BST1: variants seen among roughly 807,000 people sequenced by gnomAD.
The protein encoded by BST1 is bone marrow stromal cell antigen 1.
A neutral mutation model predicts 40.6 loss-of-function variants in BST1; 49 were observed. The ratio of observed to expected loss-of-function variants is 1.21; its 90% CI spans 0.96 to 1.53. The LOEUF (loss-of-function observed/expected upper bound fraction) is 1.53, where lower values mean the gene tolerates loss of function less well. BST1 is among the 40% of genes most tolerant of loss of function. The probability of loss-of-function intolerance (pLI) is 0.00; values close to 1 mark genes in which losing one functional copy is unlikely to be tolerated. For synonymous variants in BST1, 157 were observed against 159.3 expected, an observed-to-expected ratio of 0.99 and a Z score of 0.11; for missense variants, 423 against 395.9, an observed-to-expected ratio of 1.07 and a Z score of -0.58.
chr4:15,729,630 T>G (rs1419856098), intron 8 of BST1, among the ~76,000 whole-genome samples: 2 of 152,158 alleles, frequency 1.3e-5, no homozygotes, highest in African/African-American at 2.4e-5. Context: ...ATTAGGCTTT[T>G]GAGTATATAA....
the BST1 span, among the ~76,000 whole-genome samples, chr4:15,747,678 AT>A: frequency 1.3e-5 from 2 of 152,076 alleles, no homozygotes; most frequent in Non-Finnish European, 2.9e-5. Context: ...ACATTTATTT[AT>A]TTATTTATTA....
chr4:15,741,066 A>T (rs1305997677), downstream of BST1, among the ~76,000 whole-genome samples: 2 of 151,768 alleles, frequency 1.3e-5, no homozygotes, highest in Non-Finnish European at 2.9e-5. Context: ...TGGGAAGAGC[A>T]GTGACAGTTT....
Position 15,718,903 on chromosome 4 carries a change from T to C in BST1, c.705-4T>C. 6.2e-7 allele frequency: 1 copy of C among 1,613,290 alleles called. No homozygotes were observed. The highest frequency in any genetic ancestry group is 8.5e-7 in the Non-Finnish European group (1 of 1,179,476). On this transcript the variant is annotated splice_region_variant and splice_polypyrimidine_tract_variant and intron_variant, in intron 6 of 8. Coordinates refer to ENST00000265016, the MANE Select transcript of BST1 (RefSeq NM_004334.3). Reference sequence around the variant, plus strand: ...CTTTTTAATTATATATTTTCATGTTTTAGGGAATCCTGCGGGGAAGGCAGC... The same window carrying C: ...CTTTTTAATTATATATTTTCATGTTCTAGGGAATCCTGCGGGGAAGGCAGC...
At chr4:15,743,582 G>T in the BST1 span, 1 of 343,908 alleles carries the variant, frequency 2.9e-6, no homozygotes, top group Non-Finnish European at 5.7e-6. Context: ...AAAGGGCCCA[G>T]CTGGGAGCCT....
Position 15,715,739 on chromosome 4 carries a change from A to C in BST1, c.644A>C (p.Gln215Pro). 1.9e-6 allele frequency: 3 copies of C among 1,604,424 alleles called. No homozygotes were observed. The highest frequency in any genetic ancestry group is 2.5e-6 in the Non-Finnish European group (3 of 1,177,014). The change falls in exon 6 of 9, where the codon CAG becomes CCG. Residue 215 changes from glutamine (Q) to proline (P), a missense_variant. Gln to Pro is a moderately conservative substitution (Grantham distance 76). Transcript: ENST00000265016. ...GCAGATTATGAAATTCCAAACCTCCAGAAGGAAAAAATTACACGAATCGAG... is the reference window on the plus strand; with the variant it reads ...GCAGATTATGAAATTCCAAACCTCCCGAAGGAAAAAATTACACGAATCGAG... ...FFADYEIPNL[Q>P]KEKITRIEIW...
In BST1 at chr4:15,704,462, GTGTT is replaced by G. The variant is rs71179653; in HGVS notation, c.189-1048_189-1045del. ...TGTGTTCTAGAGGTGAGATGTGTGT[GTGTT>G]TGTTCTAGAGGTGAGGGGTGTGTGT... On this transcript the variant is annotated intron_variant, in intron 1 of 8. Coordinates refer to ENST00000265016, the MANE Select transcript of BST1 (RefSeq NM_004334.3). Among the ~76,000 whole-genome samples, 657 of 148,806 alleles carry G rather than the reference GTGTT, an allele frequency of 4.4e-3. 9 individuals carry two copies. Among genetic ancestry groups the G allele is most frequent in the Non-Finnish European group, 6.5e-3 (435 of 67,188 alleles).
chr4:15,731,791 G>A lies in BST1; in HGVS notation c.903G>A (p.Arg301=). The A allele has an allele frequency of 6.2e-7, 1 of 1,613,854 alleles. No homozygotes were observed. Among genetic ancestry groups the A allele is most frequent in the Non-Finnish European group, 8.5e-7 (1 of 1,179,918 alleles). The change falls in exon 9 of 9, where the codon AGG becomes AGA. Residue 301 remains arginine (R), a synonymous_variant. Transcript: ENST00000265016. ...CCCCAAGTCTTTATACAGAACAAAGGGCGGGTCTTATCATTCCCCTCTTTC... is the reference window on the plus strand; with the variant it reads ...CCCCAAGTCTTTATACAGAACAAAGAGCGGGTCTTATCATTCCCCTCTTTC... ...RKAPSLYTEQ[R]AGLIIPLFLV...
chr4:15,722,586 T>A (rs1354626659), intron 7 of BST1, among the ~76,000 whole-genome samples: 1 of 150,462 alleles, frequency 6.6e-6, no homozygotes, highest in African/African-American at 2.5e-5. Flanking sequence ...CCCAGATAAT[T>A]TTTAGATTTT....
chr4:15,758,138 AT>A, the BST1 span, among the ~76,000 whole-genome samples: 17 of 151,760 alleles, frequency 1.1e-4, no homozygotes, highest in African/African-American at 3.4e-4. Context: ...AATATTTAGC[AT>A]TTTTTTTCAA....
chr4:15,764,609 A>G, the BST1 span, among the ~76,000 whole-genome samples: 2 of 152,018 alleles, frequency 1.3e-5, no homozygotes, highest in South Asian at 4.1e-4. Context: ...TTAATTTGAT[A>G]TCAGAATGGG....
At chr4:15,722,218 C>A (rs555070587) in intron 7 of BST1, among the ~76,000 whole-genome samples, 49 of 152,300 alleles carry the variant, frequency 3.2e-4, no homozygotes, top group African/African-American at 1.1e-3. Context: ...CTAGAGTCAG[C>A]CTGCATAGTT....
chr4:15,737,972 G>A, exon 7 of BST1: 2 of 391,002 alleles, frequency 5.1e-6, no homozygotes, highest in Non-Finnish European at 9.6e-6. Flanking sequence ...AGAGGAAACA[G>A]GATAAAATGG....
the BST1 span, among the ~76,000 whole-genome samples, chr4:15,751,584 G>A: frequency 6.6e-6 from 1 of 151,890 alleles, no homozygotes; most frequent in Non-Finnish European, 1.5e-5. Context: ...TCACTATTGT[G>A]TATACAGTGT....
At chr4:15,717,765 A>G (rs1211517938) in intron 6 of BST1, among the ~76,000 whole-genome samples, 1 of 152,214 alleles carries the variant, frequency 6.6e-6, no homozygotes, top group Non-Finnish European at 1.5e-5. Context: ...AGAAAGTATG[A>G]AAATATGTTG....
the BST1 span, among the ~76,000 whole-genome samples, chr4:15,746,678 A>G: frequency 1.2e-4 from 18 of 152,198 alleles, no homozygotes; most frequent in Admixed American, 1.0e-3. Context: ...TTTGGAGGGA[A>G]CATTCAAACC....
the BST1 span, among the ~76,000 whole-genome samples, chr4:15,759,977 G>C: frequency 6.6e-6 from 1 of 151,952 alleles, no homozygotes; most frequent in Non-Finnish European, 1.5e-5. Context: ...TATCCTGAAA[G>C]TATATGATTT....
At chr4:15,750,971 A>G in the BST1 span, among the ~76,000 whole-genome samples, 1 of 152,214 alleles carries the variant, frequency 6.6e-6, no homozygotes, top group Non-Finnish European at 1.5e-5. Flanking sequence ...TTCTGGAAAT[A>G]CAAAGGTGAA....
downstream of BST1, among the ~76,000 whole-genome samples, chr4:15,741,164 A>G (rs1435147535): frequency 6.6e-6 from 1 of 152,082 alleles, no homozygotes; most frequent in Non-Finnish European, 1.5e-5. Context: ...GCTGCTACAG[A>G]CAAGTAGAAT....
chr4:15,711,380 G>T (rs16892260), intron 3 of BST1, among the ~76,000 whole-genome samples: 31,023 of 151,918 alleles, frequency 0.2, 3,494 homozygotes, highest in East Asian at 0.47. Context: ...TTAATCCTTT[G>T]TTTCCTTGCA....
Sources: gnomAD v4.1 joint callset for allele counts (sites outside exome capture counted in the v4.1 genomes callset) on GRCh38, gnomAD v4.1.1 for gene constraint, MANE v1.5 for transcripts, NCBI Gene and HGNC (gene_info 2026-07-23, HGNC 2026-07-21) for gene names.